WSCD2: variants seen among roughly 807,000 people sequenced by gnomAD.
WSCD2 encodes the protein sialate:O-sulfotransferase 2.
In WSCD2, 28 loss-of-function variants were observed where a neutral mutation model predicts 55.7. The ratio of observed to expected loss-of-function variants is 0.50; its 90% CI spans 0.37 to 0.69. The LOEUF (loss-of-function observed/expected upper bound fraction) is 0.69. Ranked by LOEUF, WSCD2 falls within the 30% of genes least tolerant of loss-of-function variation. The pLI, the probability that WSCD2 is intolerant of heterozygous loss-of-function variation, is 0.00. For synonymous variants in WSCD2, 301 were observed against 301.9 expected (o/e 1.00, Z 0.03); for missense variants, 616 against 762.1 (o/e 0.81, Z 2.26).
intron 2 of WSCD2, among the ~76,000 whole-genome samples, chr12:108,205,453 C>G (rs1885247261): frequency 6.6e-6 from 1 of 152,076 alleles, no homozygotes; most frequent in Non-Finnish European, 1.5e-5. Flanking sequence ...CTGTGAAGTG[C>G]TATTTTCATG....
intron 1 of WSCD2, among the ~76,000 whole-genome samples, chr12:108,166,790 T>TTTCTTTCG (rs1211528080): frequency 6.8e-6 from 1 of 147,796 alleles, no homozygotes; most frequent in African/African-American, 2.5e-5. Flanking sequence ...TCTTTCTTTC[T>TTTCTTTCG]GTCTTTCTTT....
intron 7 of WSCD2, among the ~76,000 whole-genome samples, chr12:108,237,405 C>T (rs963061598): frequency 2.6e-5 from 4 of 152,192 alleles, no homozygotes; most frequent in African/African-American, 4.8e-5. Flanking sequence ...TTTGGTGACT[C>T]TTAAAAGATA....
Position 108,183,628 on chromosome 12 carries a change from G to A in WSCD2, c.-551-11654G>A, listed in dbSNP as rs150924949. Among the ~76,000 whole-genome samples, 396 of 152,320 alleles carry A rather than the reference G, an allele frequency of 2.6e-3. 1 individual carries two copies. The highest frequency in any genetic ancestry group is 9.1e-3 in the African/African-American group (378 of 41,576). On this transcript the variant is annotated intron_variant, in intron 1 of 8. Coordinates refer to ENST00000547525, the MANE Select transcript of WSCD2 (RefSeq NM_014653.4). ...GGCCACTAAAGGCTTGGGAACCCCT[G>A]TGCCTTCTGAGCGGGCTCTGAGCAT...
intron 8 of WSCD2, among the ~76,000 whole-genome samples, chr12:108,245,162 T>C (rs901266737): frequency 6.6e-6 from 1 of 152,200 alleles, no homozygotes; most frequent in African/African-American, 2.4e-5. Flanking sequence ...CACACTGTTT[T>C]CCATTGGGCT....
intron 1 of WSCD2, among the ~76,000 whole-genome samples, chr12:108,140,094 C>T (rs571359168): frequency 2.0e-5 from 3 of 152,282 alleles, no homozygotes; most frequent in African/African-American, 4.8e-5. Flanking sequence ...AGAAGGTACA[C>T]GGGGTAGAAT....
chr12:108,150,981 C>T (rs954596936), intron 1 of WSCD2, among the ~76,000 whole-genome samples: 5 of 151,972 alleles, frequency 3.3e-5, no homozygotes, highest in South Asian at 2.1e-4. Context: ...GCCATCTGAG[C>T]GTGAGCCCAC....
chr12:108,141,757 CG>C (rs1177983535), intron 1 of WSCD2, among the ~76,000 whole-genome samples: 1 of 152,074 alleles, frequency 6.6e-6, no homozygotes, highest in Non-Finnish European at 1.5e-5. Context: ...CTTTTGGGGT[CG>C]GGGAGCTGGT....
At chr12:108,243,028 A>T (rs759624617) in intron 8 of WSCD2, among the ~76,000 whole-genome samples, 5 of 152,230 alleles carry the variant, frequency 3.3e-5, no homozygotes, top group Non-Finnish European at 7.3e-5. Flanking sequence ...ACTTCCTTAA[A>T]GAACAGAACC....
intron 8 of WSCD2, chr12:108,244,533 G>A (rs1440369167): frequency 1.4e-6 from 1 of 702,860 alleles, no homozygotes; most frequent in African/African-American, 1.7e-5. Flanking sequence ...AGCCGTACCA[G>A]GATCTTTGCA....
intron 1 of WSCD2, among the ~76,000 whole-genome samples, chr12:108,179,464 C>A (rs1396317803): frequency 6.6e-6 from 1 of 152,216 alleles, no homozygotes; most frequent in Non-Finnish European, 1.5e-5. Flanking sequence ...TGGCTAATGG[C>A]CAGTAGCTTT....
intron 1 of WSCD2, among the ~76,000 whole-genome samples, chr12:108,192,769 ACCTACTGGCTCAAAGACTCCT>A (rs1883346224): frequency 6.6e-6 from 1 of 151,928 alleles, no homozygotes; most frequent in Non-Finnish European, 1.5e-5. Context: ...CTTTTGCAAG[ACCTACTGGCTCAAAGACTCCT>A]CCCTGGGGAA....
Position 108,210,544 on chromosome 12 carries a change from T to G in WSCD2, c.682+239T>G, listed in dbSNP as rs901175337. 6.6e-6 allele frequency among the ~76,000 whole-genome samples: 1 copy of G among 152,224 alleles called. No individual in the cohort carries two copies. Among genetic ancestry groups the G allele is most frequent in the African/African-American group, 2.4e-5 (1 of 41,452 alleles). On this transcript the variant is annotated intron_variant, in intron 4 of 8. Coordinates refer to ENST00000547525, the MANE Select transcript of WSCD2 (RefSeq NM_014653.4). This position sits in a 1 kb window ranked among gnomAD's most constrained non-coding sequence, Gnocchi z 4.3. ...CCACTGAGCTGCGTCTGGTTCCAGC[T>G]GTATCCCTCATTCTCACCAGTCTTC...
intron 1 of WSCD2, among the ~76,000 whole-genome samples, chr12:108,165,117 G>A (rs932181788): frequency 2.0e-5 from 3 of 152,162 alleles, no homozygotes; most frequent in Admixed American, 6.5e-5. Flanking sequence ...AGAGGGCAAG[G>A]GAAAAGATTT....
At chr12:108,247,420 T>C (rs1890166546) in intron 8 of WSCD2, among the ~76,000 whole-genome samples, 1 of 152,102 alleles carries the variant, frequency 6.6e-6, no homozygotes, top group African/African-American at 2.4e-5. Context: ...TGGCATATAG[T>C]AATCACCAAA....
chr12:108,199,609 G>A (rs1884400894), intron 2 of WSCD2, among the ~76,000 whole-genome samples: 1 of 152,236 alleles, frequency 6.6e-6, no homozygotes, highest in African/African-American at 2.4e-5. Context: ...ATGGCGTTGT[G>A]ATGATTACAT....
At chr12:108,244,824 T>G (rs1889973773) in intron 8 of WSCD2, among the ~76,000 whole-genome samples, 1 of 152,320 alleles carries the variant, frequency 6.6e-6, no homozygotes, top group Admixed American at 6.5e-5. Context: ...CAGGAGCTGA[T>G]CAGACCAGGT....
chr12:108,151,224 C>T (rs1293413365), intron 1 of WSCD2, among the ~76,000 whole-genome samples: 3 of 152,198 alleles, frequency 2.0e-5, no homozygotes, highest in East Asian at 1.9e-4. Flanking sequence ...TTTCTTTCTG[C>T]GGGTGTTGGG....
intron 2 of WSCD2, among the ~76,000 whole-genome samples, chr12:108,199,863 C>T (rs1884437240): frequency 6.6e-6 from 1 of 152,190 alleles, no homozygotes; most frequent in South Asian, 2.1e-4. Flanking sequence ...TTAAGCACTA[C>T]ATCACGTCAC....
intron 1 of WSCD2, among the ~76,000 whole-genome samples, chr12:108,182,233 G>A (rs569369526): frequency 1.7e-4 from 26 of 152,244 alleles, no homozygotes; most frequent in South Asian, 1.7e-3. Flanking sequence ...TCTTGCTCCC[G>A]GCAGCTGACC....
Sources: allele counts gnomAD v4.1 joint callset (sites outside exome capture counted in the v4.1 genomes callset), GRCh38; gene constraint gnomAD v4.1.1; non-coding constraint Gnocchi (gnomAD v3.1); transcripts MANE v1.5; gene names NCBI Gene and HGNC (gene_info 2026-07-23, HGNC 2026-07-21).